TRHDE: variants seen among roughly 807,000 people sequenced by gnomAD.
TRHDE encodes thyrotropin-releasing hormone-degrading ectoenzyme.
In TRHDE, 72 loss-of-function variants were observed where a neutral mutation model predicts 125.7. The ratio of observed to expected loss-of-function variants is 0.57; its 90% CI spans 0.47 to 0.70. The LOEUF is 0.70. Ranked by LOEUF, TRHDE falls within the 30% of genes least tolerant of loss-of-function variation. TRHDE has a pLI of 0.00. For missense variants in TRHDE, 1,110 were observed against 1,327.1 expected (o/e 0.84, Z 2.54); for synonymous variants, 509 against 509.1 (o/e 1.00, Z 0.00).
intron 2 of TRHDE, among the ~76,000 whole-genome samples, chr12:72,153,066 A>G (rs1876409889): frequency 6.6e-6 from 1 of 152,134 alleles, no homozygotes; most frequent in Non-Finnish European, 1.5e-5. Context: ...TATTGCCTCA[A>G]TTTCAGCTCC....
intron 3 of TRHDE, chr12:72,431,785 G>C (rs1192569452): frequency 7.2e-5 from 11 of 152,510 alleles, no homozygotes; most frequent in Admixed American, 2.0e-4. Flanking sequence ...TCCTCAAAAA[G>C]GTCAACCAGA....
At chr12:72,440,481 G>T (rs73344432) in intron 3 of TRHDE, among the ~76,000 whole-genome samples, 1 of 151,194 alleles carries the variant, frequency 6.6e-6, no homozygotes, top group East Asian at 1.9e-4. Context: ...ACTGTTTTTC[G>T]TTTTGTAGAG....
chr12:72,430,307 ATG>A (rs1178940720), intron 3 of TRHDE, among the ~76,000 whole-genome samples: 2 of 143,378 alleles, frequency 1.4e-5, no homozygotes, highest in African/African-American at 2.6e-5. Flanking sequence ...ATGTATATAT[ATG>A]TATATATACA....
At chr12:72,535,702 G>A (rs913462961) in intron 6 of TRHDE, among the ~76,000 whole-genome samples, 11 of 151,372 alleles carry the variant, frequency 7.3e-5, no homozygotes, top group South Asian at 2.1e-4. Flanking sequence ...AAAAAACAGC[G>A]AAGAAAACAT....
chr12:72,158,175 A>G (rs1339053544), intron 2 of TRHDE, among the ~76,000 whole-genome samples: 1 of 152,150 alleles, frequency 6.6e-6, no homozygotes, highest in Non-Finnish European at 1.5e-5. Context: ...AGAAAATTGC[A>G]AGAGGATATA....
intron 7 of TRHDE, among the ~76,000 whole-genome samples, chr12:72,559,652 C>G (rs1264663305): frequency 1.3e-5 from 2 of 152,078 alleles, no homozygotes; most frequent in African/African-American, 4.8e-5. Context: ...TTAAAACATT[C>G]TTCTATTTTA....
chr12:72,154,007 C>T (rs973678177), intron 2 of TRHDE, among the ~76,000 whole-genome samples: 1 of 152,172 alleles, frequency 6.6e-6, no homozygotes, highest in African/African-American at 2.4e-5. Flanking sequence ...GTTAAAGTCT[C>T]CCATTATTAT....
chr12:72,204,809 A>T (rs1411531574), intron 2 of TRHDE, among the ~76,000 whole-genome samples: 2 of 152,058 alleles, frequency 1.3e-5, no homozygotes, highest in African/African-American at 4.8e-5. Flanking sequence ...TTTTTTCCTC[A>T]CTAGTATTTT....
intron 2 of TRHDE, among the ~76,000 whole-genome samples, 174 bp downstream of exon 2, chr12:72,287,128 G>C (rs1879919762): frequency 6.6e-6 from 1 of 151,902 alleles, no homozygotes; most frequent in Non-Finnish European, 1.5e-5. Context: ...AAGTGTCAGA[G>C]ATAAACCTGT....
Position 72,130,770 on chromosome 12 carries a change from C to G in TRHDE, n.279+25018C>G, listed in dbSNP as rs191821481. ...GGCTATTAAGTACAGGAAATATTCTCAAACTCACTCTTACTCAGAAAAATA... is the reference window on the plus strand; with the variant it reads ...GGCTATTAAGTACAGGAAATATTCTGAAACTCACTCTTACTCAGAAAAATA... On this transcript the variant is annotated intron_variant and non_coding_transcript_variant, in intron 2 of 4. Coordinates refer to the TRHDE transcript ENST00000548156. 4.6e-5 allele frequency among the ~76,000 whole-genome samples: 7 copies of G among 152,232 alleles called. No homozygotes were observed. The East Asian group carries it at 1.4e-3, about 29-fold the overall frequency.
At chr12:72,400,810 A>G (rs1873011084) in intron 3 of TRHDE, among the ~76,000 whole-genome samples, 1 of 152,142 alleles carries the variant, frequency 6.6e-6, no homozygotes, top group Admixed American at 6.6e-5. Flanking sequence ...GTGTTGAATA[A>G]TGTTCTCTTG....
intron 12 of TRHDE, among the ~76,000 whole-genome samples, chr12:72,597,713 GTA>G (rs762515309): frequency 0.12 from 2,237 of 18,260 alleles, 76 homozygotes; most frequent in South Asian, 0.15. Context: ...GTGTGTGTAT[GTA>G]TATATATATA....
At chr12:72,120,817 T>G (rs900092481) in intron 2 of TRHDE, among the ~76,000 whole-genome samples, 3 of 151,578 alleles carry the variant, frequency 2.0e-5, no homozygotes, top group Non-Finnish European at 4.4e-5. Context: ...TAGCTGGGAC[T>G]ACAGGCGTGT....
intron 6 of TRHDE, among the ~76,000 whole-genome samples, chr12:72,528,780 A>G (rs1187652386): frequency 2.0e-5 from 3 of 152,042 alleles, no homozygotes; most frequent in Admixed American, 6.6e-5. Flanking sequence ...GCCACTGCAC[A>G]GGCCCTTCTT....
At chr12:72,228,566 T>C (rs754923012) in intron 2 of TRHDE, among the ~76,000 whole-genome samples, 4 of 152,342 alleles carry the variant, frequency 2.6e-5, no homozygotes, top group Non-Finnish European at 5.9e-5. Context: ...TCTTTACTTA[T>C]GCAAATTTTT....
chr12:72,667,437 A>G lies in TRHDE; in HGVS notation c.*4242A>G, dbSNP rs915615490. 6.6e-6 allele frequency: 1 copy of G among 151,784 alleles called. No individual in the cohort carries two copies. The highest frequency in any genetic ancestry group is 1.5e-5 in the Non-Finnish European group (1 of 67,808). 9.4% of individuals were successfully genotyped at this position (151,784 alleles called of 1,614,324 possible). ...AATATATATTGTATAGATACAATAT[A>G]TAACTATACTTAAAGAAATATTTAT... On this transcript the variant is annotated 3_prime_UTR_variant, in exon 19 of 19. Transcript: ENST00000261180.
intron 1 of TRHDE, among the ~76,000 whole-genome samples, chr12:72,102,014 C>T (rs888275973): frequency 1.3e-5 from 2 of 152,072 alleles, no homozygotes; most frequent in African/African-American, 4.8e-5. Context: ...CTTTTTGCCT[C>T]TTCCTGTCTG....
intron 3 of TRHDE, chr12:72,431,769 T>C (rs1874494314): frequency 1.3e-5 from 2 of 152,442 alleles, no homozygotes; most frequent in African/African-American, 4.8e-5. Flanking sequence ...AGCACACAGG[T>C]TGATGTCCTC....
rs577876505 is a variant in TRHDE, at chr12:72,155,988, C to G, written n.279+50236C>G. 2.0e-5 allele frequency among the ~76,000 whole-genome samples: 3 copies of G among 152,340 alleles called. No individual in the cohort carries two copies. In the South Asian group the frequency reaches 6.2e-4, roughly 32 times the overall value. On this transcript the variant is annotated intron_variant and non_coding_transcript_variant, in intron 2 of 4. Transcript: ENST00000548156. ...CTTTTGTTTGGCTATGCCCTGCCCC[C>G]AGAGGTGGATTCTACAGAGGCAGGC... is the stretch of plus-strand genomic sequence containing the variant.
Sources: allele counts gnomAD v4.1 joint callset (sites outside exome capture counted in the v4.1 genomes callset), GRCh38; gene constraint gnomAD v4.1.1; transcripts MANE v1.5; gene names NCBI Gene and HGNC (gene_info 2026-07-23, HGNC 2026-07-21).